The following DNM2 variants were observed in gnomAD, a reference collection of about 807,000 sequenced individuals.
DNM2 encodes the protein dynamin 2.
DNM2 carries 15 observed loss-of-function variants against 99.0 expected under a neutral mutation model. That is an observed-to-expected ratio of 0.15 (90% CI 0.10 to 0.23). The LOEUF (loss-of-function observed/expected upper bound fraction) is 0.23, where lower values mean the gene tolerates loss of function less well. Ranked by LOEUF, DNM2 falls within the 10% of genes least tolerant of loss-of-function variation. The pLI is 1.00. For synonymous variants in DNM2, 525 were observed against 481.2 expected, an observed-to-expected ratio of 1.09 and a Z score of -1.19; for missense variants, 742 against 1,189.4, an observed-to-expected ratio of 0.62 and a Z score of 5.53.
intron 2 of DNM2, among the ~76,000 whole-genome samples, chr19:10,767,190 T>C (rs1389613291): frequency 6.6e-6 from 1 of 150,686 alleles, no homozygotes; most frequent in Admixed American, 6.6e-5. Flanking sequence ...TTAAGGCCTC[T>C]GGCTGATTCT....
chr19:10,823,205 G>C (rs2073036321), intron 16 of DNM2: 1 of 151,794 alleles, frequency 6.6e-6, no homozygotes, highest in African/African-American at 2.4e-5. Context: ...AGGAGTTCGA[G>C]ACCAGCCTGA....
chr19:10,818,117 C>T lies in DNM2; in HGVS notation c.1672-1863C>T, dbSNP rs1472605352. 2.6e-5 allele frequency among the ~76,000 whole-genome samples: 4 copies of T among 152,128 alleles called. No homozygotes were observed. Among genetic ancestry groups the T allele is most frequent in the Non-Finnish European group, 4.4e-5 (3 of 68,028 alleles). Reference sequence around the variant, plus strand: ...GGGAGGGACCCAGGCCCTGTGTTACCCAGCCTTGCCTGGGATGACGGGTGC... The same window carrying T: ...GGGAGGGACCCAGGCCCTGTGTTACTCAGCCTTGCCTGGGATGACGGGTGC... On this transcript the variant is annotated intron_variant, in intron 15 of 20. Transcript: ENST00000389253. The surrounding 1 kb of genome is among the most constrained non-coding windows in gnomAD (Gnocchi z 4.3).
At chr19:10,754,548 G>C (rs2070318747) in intron 1 of DNM2, among the ~76,000 whole-genome samples, 1 of 151,776 alleles carries the variant, frequency 6.6e-6, no homozygotes, top group Admixed American at 6.6e-5. Context: ...ACTACAACTG[G>C]CCAATCGCAT....
At chr19:10,756,988 A>G (rs571995191) in intron 1 of DNM2, among the ~76,000 whole-genome samples, 1 of 152,220 alleles carries the variant, frequency 6.6e-6, no homozygotes, top group East Asian at 1.9e-4. Context: ...TACATTTGTT[A>G]ATAATCTGGC....
rs971935234 is a variant in DNM2 at position 10,795,210 on chromosome 19, T to C, written c.1129-162T>C. Reference sequence around the variant, plus strand: ...TGCTGAGATTACAGGTGTGAGCCACTGTATCTGGCCAGTTTTCAATTTTTT... The same window carrying C: ...TGCTGAGATTACAGGTGTGAGCCACCGTATCTGGCCAGTTTTCAATTTTTT... On this transcript the variant is annotated intron_variant, in intron 8 of 20. Coordinates refer to ENST00000389253, the MANE Select transcript of DNM2 (RefSeq NM_001005361.3). The surrounding 1 kb of genome is among the most constrained non-coding windows in gnomAD (Gnocchi z 4.2). Among the ~76,000 whole-genome samples the C allele has an allele frequency of 1.3e-5, 2 of 152,232 alleles. No individual in the cohort carries two copies. The highest frequency in any genetic ancestry group is 4.8e-5 in the African/African-American group (2 of 41,470).
At position 10,764,563 on chromosome 19, in the gene DNM2, G is replaced by C. The variant is rs978226879; in HGVS notation, c.235+4752G>C. On this transcript the variant is annotated intron_variant, in intron 2 of 20. Transcript: ENST00000389253. The surrounding 1 kb of genome is among the most constrained non-coding windows in gnomAD (Gnocchi z 4.1). Reference sequence around the variant, plus strand: ...TTCCTGTGTGGAATGTGCACAGTGAGGCCCTGTGAACCACCCCTCCCCACC... The same window carrying C: ...TTCCTGTGTGGAATGTGCACAGTGACGCCCTGTGAACCACCCCTCCCCACC... Among the ~76,000 whole-genome samples the C allele has an allele frequency of 1.3e-5, 2 of 152,206 alleles. No homozygotes were observed. The highest frequency in any genetic ancestry group is 1.3e-4 in the Admixed American group (2 of 15,282).
chr19:10,797,237 C>A, intron 9 of DNM2, 143 bp from the exon 10 acceptor site: 1 of 1,263,784 alleles, frequency 7.9e-7, no homozygotes, highest in Non-Finnish European at 1.1e-6. Flanking sequence ...GCTTCCGGGG[C>A]AAATGCGGGC....
Position 10,796,245 on chromosome 19 carries a change from G to A in DNM2, c.1196+806G>A. The A allele has an allele frequency of 1.2e-6, 2 of 1,612,968 alleles. No individual in the cohort carries two copies. Among genetic ancestry groups the A allele is most frequent in the Admixed American group, 1.7e-5 (1 of 60,006 alleles). On this transcript the variant is annotated intron_variant, in intron 9 of 20. Transcript: ENST00000389253. The surrounding 1 kb of genome is among the most constrained non-coding windows in gnomAD (Gnocchi z 5.6). ...TGACTCCTGACCTTGTGGAAACGGG[G>A]GTACGGGGGTTTGGTATCAGGCTCC...
In DNM2 at chr19:10,772,573, G is replaced by T; in HGVS notation, c.330G>T (p.Gly110=). The T allele has an allele frequency of 6.2e-7, 1 of 1,614,150 alleles. No homozygotes were observed. Among genetic ancestry groups the T allele is most frequent in the South Asian group, 1.1e-5 (1 of 91,078 alleles). Residue 110 remains glycine (G), a synonymous_variant, in exon 3 of 21, where the codon GGG becomes GGT. Coordinates refer to ENST00000389253, the MANE Select transcript of DNM2 (RefSeq NM_001005361.3). This position sits in a 1 kb window ranked among gnomAD's most constrained non-coding sequence, Gnocchi z 4.9. ...AAGCAGAGACCGACAGGGTCACGGG[G>T]ACCAACAAAGGCATCTCCCCAGTGC... ...EIEAETDRVT[G]TNKGISPVPI... is the part of the protein sequence containing the mutation.
At chr19:10,822,751 A>G (rs75125675) in intron 16 of DNM2, among the ~76,000 whole-genome samples, 12,409 of 151,606 alleles carry the variant, frequency 0.082, 1,005 homozygotes, top group East Asian at 0.36. Context: ...CTCCTGCCTC[A>G]GCTTCCCAAA....
At position 10,817,422 on chromosome 19, in the gene DNM2, C is replaced by A. The variant is rs894185314; in HGVS notation, c.1672-2558C>A. On this transcript the variant is annotated intron_variant, in intron 15 of 20. Coordinates refer to ENST00000389253, the MANE Select transcript of DNM2 (RefSeq NM_001005361.3). This position sits in a 1 kb window ranked among gnomAD's most constrained non-coding sequence, Gnocchi z 4.6. The stretch of plus-strand genomic sequence containing the variant: ...TGTCTCGACGAGCCGCTCACCCAAG[C>A]CCAGCCTAACCAATGTGCAGACTAC... 1.9e-6 allele frequency: 1 copy of A among 512,832 alleles called. No individual in the cohort carries two copies. The highest frequency in any genetic ancestry group is 4.0e-6 in the Non-Finnish European group (1 of 249,526). 31.8% of individuals were successfully genotyped at this position (512,832 alleles called of 1,614,324 possible). A position where few individuals can be genotyped will look rare whatever the true frequency, so the allele number is the denominator to read the frequency against.
In DNM2 at chr19:10,820,262, C is replaced by T. The variant is rs1024410531; in HGVS notation, c.1781+173C>T. On this transcript the variant is annotated intron_variant, in intron 16 of 20. Transcript: ENST00000389253. The surrounding 1 kb of genome is among the most constrained non-coding windows in gnomAD (Gnocchi z 4.3). Reference sequence around the variant, plus strand: ...AATAGCAAATGCCAGGGATGCTTCCCGTGCTGGGTCAGAGATGACCTCTCT... The same window carrying T: ...AATAGCAAATGCCAGGGATGCTTCCTGTGCTGGGTCAGAGATGACCTCTCT... Among the ~76,000 whole-genome samples the T allele has an allele frequency of 2.0e-5, 3 of 152,184 alleles. No homozygotes were observed. Among genetic ancestry groups the T allele is most frequent in the Non-Finnish European group, 4.4e-5 (3 of 68,026 alleles).
intron 1 of DNM2, among the ~76,000 whole-genome samples, chr19:10,743,800 ACT>A (rs1295741678): frequency 9.2e-6 from 1 of 108,654 alleles, no homozygotes; most frequent in Non-Finnish European, 1.8e-5. Context: ...ACAAAGCGAG[ACT>A]CTGTCTCAAA....
Position 10,831,217 on chromosome 19 carries a change from G to C in DNM2, c.*170G>C. On this transcript the variant is annotated 3_prime_UTR_variant, in exon 21 of 21. Coordinates refer to ENST00000389253, the MANE Select transcript of DNM2 (RefSeq NM_001005361.3). This position sits in a 1 kb window ranked among gnomAD's most constrained non-coding sequence, Gnocchi z 4.3. ...CAGGGCCGGCCCCTGTGCCTGGCTG[G>C]ACACCGCACTGCGCAAAGGGGCCCT... 7.2e-7 allele frequency: 1 copy of C among 1,388,794 alleles called. No individual in the cohort carries two copies. The highest frequency in any genetic ancestry group is 9.3e-7 in the Non-Finnish European group (1 of 1,075,714). 86.0% of individuals were successfully genotyped at this position (1,388,794 alleles called of 1,614,324 possible). A position where few individuals can be genotyped will look rare whatever the true frequency, so the allele number is the denominator to read the frequency against.
rs1290878626 is a variant in DNM2 at position 10,779,502 on chromosome 19, C to CTTTCTTTT, written c.688+2289_688+2290insCTTTTTTT. Among the ~76,000 whole-genome samples, 237 of 29,628 alleles carry CTTTCTTTT rather than the reference C, an allele frequency of 8.0e-3. 3 individuals are homozygous for CTTTCTTTT. The highest frequency in any genetic ancestry group is 0.011 in the Non-Finnish European group (181 of 17,236). 19.4% of individuals were successfully genotyped at this position (29,628 alleles called of 152,430 possible). On this transcript the variant is annotated intron_variant, in intron 5 of 20. Transcript: ENST00000389253. ...TCTTTCTTTCTTTCTTTCTTTCTTT[C>CTTTCTTTT]TTTTTTTTTTTTTTTTTTTTTTTTT...
At position 10,830,941 on chromosome 19, in the gene DNM2, G is replaced by A. The variant is rs540976335; in HGVS notation, c.2544-37G>A. On this transcript the variant is annotated intron_variant, in intron 20 of 20. Coordinates refer to ENST00000389253, the MANE Select transcript of DNM2 (RefSeq NM_001005361.3). This position sits in a 1 kb window ranked among gnomAD's most constrained non-coding sequence, Gnocchi z 4.8. ...GCCTCTTGCTCCCGGCCTCACTGCC[G>A]TCTCCCCCTCCCCACCTGTCTTTAT... The A allele has an allele frequency of 1.4e-5, 23 of 1,593,326 alleles. No individual in the cohort carries two copies. The highest frequency in any genetic ancestry group is 1.7e-4 in the Middle Eastern group (1 of 6,010).
intron 1 of DNM2, among the ~76,000 whole-genome samples, chr19:10,741,196 A>G (rs1385037713): frequency 6.6e-6 from 1 of 152,076 alleles, no homozygotes; most frequent in Non-Finnish European, 1.5e-5. Flanking sequence ...CATGATTGAA[A>G]GTGGGGTATT....
rs1231280065 is a variant in DNM2, at chr19:10,772,078, T to TATTTA, written c.236-400_236-396dup. Among the ~76,000 whole-genome samples the TATTTA allele has an allele frequency of 6.6e-6, 1 of 151,052 alleles. No homozygotes were observed. Among genetic ancestry groups the TATTTA allele is most frequent in the Non-Finnish European group, 1.5e-5 (1 of 67,862 alleles). The stretch of plus-strand genomic sequence containing the variant: ...TTTTTTATTTTATTTTATTTTATTT[T>TATTTA]ATTTATTTTTTTATTTTTTTGAGAT... On this transcript the variant is annotated intron_variant, in intron 2 of 20. Coordinates refer to ENST00000389253, the MANE Select transcript of DNM2 (RefSeq NM_001005361.3). The surrounding 1 kb of genome is among the most constrained non-coding windows in gnomAD (Gnocchi z 4.9).
At chr19:10,779,464 T>C (rs2071269358) in intron 5 of DNM2, among the ~76,000 whole-genome samples, 1 of 145,662 alleles carries the variant, frequency 6.9e-6, no homozygotes, top group Non-Finnish European at 1.5e-5. Flanking sequence ...ACTCTTGCTG[T>C]TATAAGTTTT....
Sources: gnomAD v4.1 joint callset for allele counts (sites outside exome capture counted in the v4.1 genomes callset) on GRCh38, gnomAD v4.1.1 for gene constraint, Gnocchi (gnomAD v3.1) non-coding constraint, MANE v1.5 for transcripts, NCBI Gene and HGNC (gene_info 2026-07-23, HGNC 2026-07-21) for gene names.